The following ADK variants were observed in gnomAD, a reference collection of about 807,000 sequenced individuals.
ADK encodes the protein N6,N6-dimethyladenosine kinase.
In ADK, 24 loss-of-function variants were observed where a neutral mutation model predicts 44.7. The observed-to-expected ratio is 0.54, with a 90% confidence interval of 0.39 to 0.76. The LOEUF is 0.76. Ranked by LOEUF, ADK falls within the 30% of genes least tolerant of loss-of-function variation. ADK has a pLI of 0.00. For missense variants in ADK, 321 were observed against 425.1 expected (o/e 0.76, Z 2.15); for synonymous variants, 128 against 142.6 (o/e 0.90, Z 0.73).
chr10:74,364,240 C>T (rs921852181), intron 4 of ADK, among the ~76,000 whole-genome samples: 5 of 152,132 alleles, frequency 3.3e-5, no homozygotes, highest in African/African-American at 1.2e-4. Context: ...ACCTTGTTCT[C>T]TTCTTGATCT....
intron 6 of ADK, among the ~76,000 whole-genome samples, chr10:74,474,049 CATTT>C (rs1234765733): frequency 6.6e-6 from 1 of 152,134 alleles, no homozygotes; most frequent in African/African-American, 2.4e-5. Flanking sequence ...CTATTTCCCT[CATTT>C]ATTCTATATT....
Position 74,164,404 on chromosome 10 carries a change from T to G in ADK, c.65+13061T>G, listed in dbSNP as rs1841981159. Among the ~76,000 whole-genome samples the G allele has an allele frequency of 2.6e-5, 4 of 151,926 alleles. 1 individual carries two copies. In the South Asian group the frequency reaches 8.3e-4, roughly 32 times the overall value. On this transcript the variant is annotated intron_variant, in intron 1 of 10. Transcript: ENST00000539909. ...TACAAAAATTAGCTGGGCATGGTGG[T>G]GGGCGCCTGTAATCCCAGCTACTTG...
At chr10:74,527,377 A>AACAAAC (rs1564774229) in intron 7 of ADK, among the ~76,000 whole-genome samples, 3 of 151,922 alleles carry the variant, frequency 2.0e-5, no homozygotes, top group African/African-American at 7.3e-5. Context: ...ACAAACAAAA[A>AACAAAC]AAAAAAAACA....
intron 3 of ADK, among the ~76,000 whole-genome samples, chr10:74,272,361 A>G (rs1175516691): frequency 1.3e-5 from 2 of 151,706 alleles, no homozygotes; most frequent in African/African-American, 4.8e-5. Flanking sequence ...CCTGCATGTC[A>G]ACCTCCTGGG....
At chr10:74,654,367 C>T (rs1435306001) in intron 9 of ADK, among the ~76,000 whole-genome samples, 1 of 152,194 alleles carries the variant, frequency 6.6e-6, no homozygotes, top group Non-Finnish European at 1.5e-5. Context: ...ATGCTTCTTC[C>T]TATTCTCCCG....
chr10:74,154,017 T>C (rs1841685282), intron 1 of ADK, among the ~76,000 whole-genome samples: 1 of 152,114 alleles, frequency 6.6e-6, no homozygotes, highest in Admixed American at 6.5e-5. Flanking sequence ...TTTGGGAAAA[T>C]GACACCTGAG....
At chr10:74,377,923 A>C (rs918225349) in intron 4 of ADK, among the ~76,000 whole-genome samples, 1 of 152,124 alleles carries the variant, frequency 6.6e-6, no homozygotes, top group Admixed American at 6.6e-5. Flanking sequence ...ACTTTATCTC[A>C]CAAATATCTA....
chr10:74,234,952 A>G (rs1412908368), intron 3 of ADK, among the ~76,000 whole-genome samples: 4 of 152,182 alleles, frequency 2.6e-5, no homozygotes. Flanking sequence ...AAGTTTTAAT[A>G]ACATATACAA....
intron 7 of ADK, among the ~76,000 whole-genome samples, chr10:74,567,150 A>G (rs1393109202): frequency 6.6e-6 from 1 of 152,200 alleles, no homozygotes; most frequent in Non-Finnish European, 1.5e-5. Context: ...TTTTTATCTC[A>G]TTATTTTATG....
intron 10 of ADK, among the ~76,000 whole-genome samples, chr10:74,698,644 C>T (rs1856292331): frequency 6.6e-6 from 1 of 152,186 alleles, no homozygotes; most frequent in Admixed American, 6.5e-5. Context: ...CCACAACCTC[C>T]CAGGCTTGGG....
chr10:74,538,152 G>A (rs758617936), intron 7 of ADK, among the ~76,000 whole-genome samples: 1 of 152,000 alleles, frequency 6.6e-6, no homozygotes, highest in Non-Finnish European at 1.5e-5. Flanking sequence ...CTGCTCAGGA[G>A]GCTGAGGCAG....
At chr10:74,248,556 A>G (rs968193090) in intron 3 of ADK, among the ~76,000 whole-genome samples, 8 of 152,042 alleles carry the variant, frequency 5.3e-5, no homozygotes, top group African/African-American at 1.7e-4. Flanking sequence ...GGGTTTCATC[A>G]TGTTGGCCAG....
intron 7 of ADK, among the ~76,000 whole-genome samples, chr10:74,572,583 T>C (rs1207313722): frequency 1.3e-5 from 2 of 152,248 alleles, no homozygotes; most frequent in Non-Finnish European, 2.9e-5. Context: ...TCCTGGATAA[T>C]ATCCTGCAGA....
intron 4 of ADK, among the ~76,000 whole-genome samples, chr10:74,342,167 A>G (rs374211785): frequency 3.8e-4 from 58 of 152,132 alleles, no homozygotes; most frequent in African/African-American, 1.3e-3. Flanking sequence ...CAGTTTGTCA[A>G]TTTACACAAT....
At chr10:74,687,560 G>A (rs1255488726) in intron 10 of ADK, among the ~76,000 whole-genome samples, 2 of 152,196 alleles carry the variant, frequency 1.3e-5, no homozygotes, top group African/African-American at 4.8e-5. Flanking sequence ...ATACGTGGAT[G>A]GGCTCTATAA....
rs1282565148 is a variant in ADK, at chr10:74,303,585, G to GTTTTTTTTTTTTTTTTTTT, written c.195-11080_195-11079insTTTTTTTTTTTTTTTTTTT. On this transcript the variant is annotated intron_variant, in intron 3 of 10. Coordinates refer to ENST00000539909, the MANE Select transcript of ADK (RefSeq NM_006721.4). Reference sequence around the variant, plus strand: ...AAACACTTTTCATATTGGTTTTAATGTTGTTTTTTTTTTTTTTTTTTTTTT... The same window carrying GTTTTTTTTTTTTTTTTTTT: ...AAACACTTTTCATATTGGTTTTAATGTTTTTTTTTTTTTTTTTTTTTGTTTTTTTTTTTTTTTTTTTTTT... 3.6e-3 allele frequency among the ~76,000 whole-genome samples: 233 copies of GTTTTTTTTTTTTTTTTTTT among 64,636 alleles called. 64 individuals are homozygous for GTTTTTTTTTTTTTTTTTTT. The highest frequency in any genetic ancestry group is 9.8e-3 in the Middle Eastern group (1 of 102). 42.4% of individuals were successfully genotyped at this position (64,636 alleles called of 152,430 possible).
chr10:74,691,968 T>C (rs1181977231), intron 10 of ADK, among the ~76,000 whole-genome samples: 1 of 152,158 alleles, frequency 6.6e-6, no homozygotes, highest in Non-Finnish European at 1.5e-5. Context: ...TGGCAATCTC[T>C]TACAAAACTA....
At chr10:74,470,823 A>G (rs1247316786) in intron 6 of ADK, among the ~76,000 whole-genome samples, 1 of 151,906 alleles carries the variant, frequency 6.6e-6, no homozygotes, top group Non-Finnish European at 1.5e-5. Flanking sequence ...TTTGTTGCCC[A>G]TGCTTTTGGT....
chr10:74,162,664 C>A (rs1015780270), intron 1 of ADK, among the ~76,000 whole-genome samples: 2 of 151,702 alleles, frequency 1.3e-5, no homozygotes, highest in Non-Finnish European at 2.9e-5. Flanking sequence ...CCTGCCTCAG[C>A]CTCCTGAGTA....
Sources: allele counts gnomAD v4.1 joint callset (sites outside exome capture counted in the v4.1 genomes callset), GRCh38; gene constraint gnomAD v4.1.1; transcripts MANE v1.5; gene names NCBI Gene and HGNC (gene_info 2026-07-23, HGNC 2026-07-21).